Variants in PDHX observed in about 807,000 individuals in gnomAD.
PDHX encodes pyruvate dehydrogenase protein X component, mitochondrial.
A neutral mutation model predicts 55.3 loss-of-function variants in PDHX; 33 were observed. The ratio of observed to expected loss-of-function variants is 0.60; its 90% CI spans 0.45 to 0.80. The LOEUF (loss-of-function observed/expected upper bound fraction) is 0.80. Among genes scored for constraint, PDHX ranks in the 30% least tolerant of loss-of-function variants. The pLI is 0.00. For synonymous variants in PDHX, 226 were observed against 219.4 expected (o/e 1.03, Z -0.27); for missense variants, 622 against 619.9 (o/e 1.00, Z -0.04).
intron 3 of PDHX, among the ~76,000 whole-genome samples, chr11:34,950,766 A>G (rs1329047999): frequency 4.6e-5 from 7 of 150,648 alleles, no homozygotes; most frequent in African/African-American, 1.7e-4. Flanking sequence ...TTCTTAATCC[A>G]GTCTATCATT....
chr11:34,942,313 A>T (rs2985150), intron 2 of PDHX, among the ~76,000 whole-genome samples: 119,282 of 152,214 alleles, frequency 0.78, 46,893 homozygotes, highest in East Asian at 0.8. Context: ...GTCTTGATTC[A>T]AAATGGTTGT....
chr11:34,984,549 T>C, intron 8 of PDHX, 21 bp from the exon 9 acceptor site: 5 of 1,612,684 alleles, frequency 3.1e-6, no homozygotes, highest in East Asian at 2.2e-5. Context: ...TTTAGTAACA[T>C]TTTTCTTTTT....
rs750379822 is a variant in PDHX at position 34,970,194 on chromosome 11, T to C, written c.872T>C (p.Leu291Ser). Residue 291 changes from leucine to serine, a missense_variant, in exon 7 of 11, where the codon TTA (leucine) becomes TCA (serine). Transcript: ENST00000227868. ...ATTCGAAGAGTTATTGCCAAGAGAT[T>C]AACTGAATCTAAAAGTACTGTACCT... ...SNIRRVIAKR[L>S]TESKSTVPHA... The C allele has an allele frequency of 1.9e-6, 3 of 1,612,402 alleles. No individual in the cohort carries two copies. Among genetic ancestry groups the C allele is most frequent in the Non-Finnish European group, 2.5e-6 (3 of 1,178,406 alleles).
In PDHX at chr11:34,957,471, C is replaced by A. The variant is rs759429254; in HGVS notation, c.430C>A (p.Pro144Thr). ...EGEDWKHVEIPKDVGPPPPVS... is the reference protein window; with the variant it reads ...EGEDWKHVEITKDVGPPPPVS... Reference sequence around the variant, plus strand: ...AGAAGATTGGAAACATGTTGAAATTCCCAAAGACGTAGGTCCTCCACCACC... The same window carrying A: ...AGAAGATTGGAAACATGTTGAAATTACCAAAGACGTAGGTCCTCCACCACC... The change falls in exon 4 of 11, where the codon CCC becomes ACC. Residue 144 changes from proline to threonine, a missense_variant. Physicochemically the swap from Pro to Thr is conservative, Grantham distance 38. Coordinates refer to ENST00000227868, the MANE Select transcript of PDHX (RefSeq NM_003477.3). 7 of 1,613,554 alleles carry A rather than the reference C, an allele frequency of 4.3e-6. No homozygotes were observed. The South Asian group carries it at 5.5e-5, about 13-fold the overall frequency.
chr11:34,994,386 C>T (rs1010937416), intron 10 of PDHX, among the ~76,000 whole-genome samples: 1 of 152,076 alleles, frequency 6.6e-6, no homozygotes, highest in South Asian at 2.1e-4. Context: ...GGGCACTTAC[C>T]GTGAATGGAG....
At chr11:34,980,853 G>A (rs1223831082) in intron 8 of PDHX, among the ~76,000 whole-genome samples, 2 of 152,016 alleles carry the variant, frequency 1.3e-5, no homozygotes, top group Non-Finnish European at 2.9e-5. Flanking sequence ...CAGGAGGCCT[G>A]GATCTTTTTC....
intron 10 of PDHX, among the ~76,000 whole-genome samples, chr11:34,992,653 C>A (rs745887618): frequency 7.9e-5 from 12 of 151,980 alleles, no homozygotes; most frequent in Non-Finnish European, 1.5e-4. Flanking sequence ...CTGACCCACC[C>A]CCAATATTAA....
At chr11:34,986,247 G>A (rs367969750) in intron 9 of PDHX, among the ~76,000 whole-genome samples, 2 of 150,958 alleles carry the variant, frequency 1.3e-5, no homozygotes, top group South Asian at 2.1e-4. Flanking sequence ...AGAGGTTGCA[G>A]TGAGCTGAGA....
intron 1 of PDHX, among the ~76,000 whole-genome samples, chr11:34,927,691 A>G (rs562464525): frequency 4.6e-5 from 7 of 152,234 alleles, no homozygotes; most frequent in Non-Finnish European, 1.0e-4. Flanking sequence ...TAACACATTA[A>G]TGCTTATGAA....
intron 5 of PDHX, among the ~76,000 whole-genome samples, chr11:34,961,786 C>A (rs547727722): frequency 7.9e-5 from 12 of 151,260 alleles, no homozygotes; most frequent in African/African-American, 2.5e-4. Flanking sequence ...TCGTGCCACA[C>A]TGCATGAGTT....
chr11:34,984,158 G>T (rs1855588528), intron 8 of PDHX, among the ~76,000 whole-genome samples: 1 of 152,104 alleles, frequency 6.6e-6, no homozygotes, highest in Admixed American at 6.6e-5. Context: ...CCAGAGCTGG[G>T]CTAGAAAGTA....
chr11:34,930,590 C>T (rs1396230699), intron 1 of PDHX, among the ~76,000 whole-genome samples: 3 of 152,166 alleles, frequency 2.0e-5, no homozygotes, highest in Non-Finnish European at 2.9e-5. Flanking sequence ...GTATTTGTTA[C>T]CATGGTATTT....
chr11:34,973,383 C>A (rs1051075484), intron 7 of PDHX, among the ~76,000 whole-genome samples: 4 of 152,126 alleles, frequency 2.6e-5, no homozygotes, highest in African/African-American at 9.7e-5. Context: ...TCTTTAGTCT[C>A]TTAAGATGTT....
intron 9 of PDHX, among the ~76,000 whole-genome samples, chr11:34,990,555 T>C (rs1237800062): frequency 1.3e-5 from 2 of 152,204 alleles, no homozygotes; most frequent in African/African-American, 4.8e-5. Context: ...TCAGGATATG[T>C]TGAGATCATC....
chr11:34,944,749 T>A (rs1482585554), intron 2 of PDHX, among the ~76,000 whole-genome samples: 1 of 152,202 alleles, frequency 6.6e-6, no homozygotes, highest in African/African-American at 2.4e-5. Flanking sequence ...TGTATTTATA[T>A]GTTACATATT....
intron 2 of PDHX, among the ~76,000 whole-genome samples, chr11:34,946,968 G>T (rs1854634873): frequency 6.6e-6 from 1 of 152,240 alleles, no homozygotes; most frequent in South Asian, 2.1e-4. Context: ...ATTTTCTGTT[G>T]CAGAGAAATG....
At chr11:34,981,521 A>C (rs1216667605) in intron 8 of PDHX, among the ~76,000 whole-genome samples, 1 of 152,158 alleles carries the variant, frequency 6.6e-6, no homozygotes, top group Non-Finnish European at 1.5e-5. Context: ...TACCCAGTAA[A>C]GGGATTGCTG....
chr11:34,930,538 T>C (rs1476055763), intron 1 of PDHX, among the ~76,000 whole-genome samples: 2 of 152,216 alleles, frequency 1.3e-5, no homozygotes, highest in Non-Finnish European at 2.9e-5. Flanking sequence ...TTGAGTAATC[T>C]GAAGAGAGAA....
At chr11:34,989,726 G>A (rs1299946972) in intron 9 of PDHX, among the ~76,000 whole-genome samples, 1 of 152,048 alleles carries the variant, frequency 6.6e-6, no homozygotes, top group Non-Finnish European at 1.5e-5. Flanking sequence ...AGCTGAAATA[G>A]TTTCCTAACA....
Sources: allele counts gnomAD v4.1 joint callset (sites outside exome capture counted in the v4.1 genomes callset), GRCh38; gene constraint gnomAD v4.1.1; transcripts MANE v1.5; gene names NCBI Gene and HGNC (gene_info 2026-07-23, HGNC 2026-07-21).